Variants in NECTIN2 observed in about 807,000 individuals in gnomAD.
NECTIN2 encodes nectin-2.
NECTIN2 carries 23 observed loss-of-function variants against 56.9 expected under a neutral mutation model. The ratio of observed to expected loss-of-function variants is 0.40; its 90% CI spans 0.29 to 0.57. NECTIN2 has a LOEUF of 0.57. Ranked by LOEUF, NECTIN2 falls within the 20% of genes least tolerant of loss-of-function variation. The probability of loss-of-function intolerance (pLI) is 0.38; values close to 1 mark genes in which losing one functional copy is unlikely to be tolerated. For synonymous variants in NECTIN2, 302 were observed against 313.8 expected (o/e 0.96, Z 0.40); for missense variants, 587 against 718.3 (o/e 0.82, Z 2.09).
intron 1 of NECTIN2, among the ~76,000 whole-genome samples, chr19:44,859,176 C>T (rs558239027): frequency 1.4e-4 from 21 of 152,110 alleles, no homozygotes; most frequent in Non-Finnish European, 2.8e-4. Context: ...TGTTGGCCCT[C>T]GAAATGAGGC....
intron 1 of NECTIN2, among the ~76,000 whole-genome samples, chr19:44,850,062 C>T (rs1968882590): frequency 6.6e-6 from 1 of 152,172 alleles, no homozygotes; most frequent in Non-Finnish European, 1.5e-5. Context: ...AGGCCAGGCA[C>T]ATTGGCTCAT....
intron 8 of NECTIN2, among the ~76,000 whole-genome samples, chr19:44,886,691 C>T (rs1347012596): frequency 1.3e-5 from 2 of 152,046 alleles, no homozygotes; most frequent in South Asian, 2.1e-4. Context: ...CACTGCACTC[C>T]AGCCTGGGCA....
rs1969065923 is a variant in NECTIN2 at position 44,864,019 on chromosome 19, C to CCCG, written c.89-1250_89-1249insGCC. ...GATTTATTTTCAGAGGATTCCCCCCCCCCAAAAAAAAATCTTATGAAAATT... is the reference window on the plus strand; with the variant it reads ...GATTTATTTTCAGAGGATTCCCCCCCCCGCCCAAAAAAAAATCTTATGAAAATT... On this transcript the variant is annotated intron_variant, in intron 1 of 8. Coordinates refer to ENST00000252483, the MANE Select transcript of NECTIN2 (RefSeq NM_001042724.2). Among the ~76,000 whole-genome samples, 4 of 151,516 alleles carry CCCG rather than the reference C, an allele frequency of 2.6e-5. No individual in the cohort carries two copies. The East Asian group carries it at 7.8e-4, about 30-fold the overall frequency.
At chr19:44,882,690 C>CAAA (rs35741405) in intron 6 of NECTIN2, among the ~76,000 whole-genome samples, 458 of 34,666 alleles carry the variant, frequency 0.013, no homozygotes, top group East Asian at 0.02. Context: ...CCCCCATCTA[C>CAAA]AAAAAAAAAA....
intron 1 of NECTIN2, among the ~76,000 whole-genome samples, chr19:44,848,437 G>A (rs1471212044): frequency 6.6e-6 from 1 of 152,148 alleles, no homozygotes; most frequent in Non-Finnish European, 1.5e-5. Context: ...GCCCCGCACC[G>A]GGTGGGCTCC....
At chr19:44,876,954 G>A (rs879490443) in intron 5 of NECTIN2, among the ~76,000 whole-genome samples, 4 of 152,062 alleles carry the variant, frequency 2.6e-5, no homozygotes, top group Non-Finnish European at 5.9e-5. Flanking sequence ...GCCACCTCCA[G>A]AAACAGAGAC....
At chr19:44,873,894 C>T in intron 3 of NECTIN2, 22 bp from the exon 4 acceptor site, 1 of 1,561,360 alleles carries the variant, frequency 6.4e-7, no homozygotes, top group Non-Finnish European at 8.8e-7. Context: ...CCTTGCTGAT[C>T]CAGTCCCCCC....
chr19:44,882,690 CAAAAAAAAAAA>C (rs35741405), intron 6 of NECTIN2, among the ~76,000 whole-genome samples: 26 of 38,328 alleles, frequency 6.8e-4, no homozygotes, highest in African/African-American at 2.5e-3. Flanking sequence ...CCCCCATCTA[CAAAAAAAAAAA>C]AAAAAAAAAA....
intron 5 of NECTIN2, among the ~76,000 whole-genome samples, chr19:44,876,481 G>A (rs1969238800): frequency 6.6e-6 from 1 of 152,114 alleles, no homozygotes; most frequent in South Asian, 2.1e-4. Context: ...ACAAAGACAC[G>A]TGCCTTCAGA....
chr19:44,851,027 C>G (rs1968892992), intron 1 of NECTIN2, among the ~76,000 whole-genome samples: 1 of 152,080 alleles, frequency 6.6e-6, no homozygotes, highest in African/African-American at 2.4e-5. Flanking sequence ...AGCTTCAGGC[C>G]CCGCCTCCCT....
intron 2 of NECTIN2, among the ~76,000 whole-genome samples, chr19:44,870,103 C>T (rs1166946783): frequency 1.3e-5 from 2 of 152,254 alleles, no homozygotes; most frequent in African/African-American, 2.4e-5. Context: ...AGGAAAGTGC[C>T]CTTGACGAAG....
Position 44,874,539 on chromosome 19 carries a change from T to G in NECTIN2, c.1042+61T>G. 6.3e-7 allele frequency: 1 copy of G among 1,594,258 alleles called. No homozygotes were observed. The highest frequency in any genetic ancestry group is 1.1e-5 in the South Asian group (1 of 90,440). ...GGTCCGCTCCCCTGGAGTTCTGCCC[T>G]TCAGGACTTGGGGCTGCACTGGGGG... On this transcript the variant is annotated intron_variant, in intron 5 of 8. Transcript: ENST00000252483. This position sits in a 1 kb window ranked among gnomAD's most constrained non-coding sequence, Gnocchi z 6.3.
At chr19:44,887,498 A>C (rs2122719400) in intron 8 of NECTIN2, among the ~76,000 whole-genome samples, 1 of 150,650 alleles carries the variant, frequency 6.6e-6, no homozygotes, top group African/African-American at 2.5e-5. Context: ...TACAAAAATT[A>C]GCTGGGCGTG....
chr19:44,856,601 T>G (rs1282500866), intron 1 of NECTIN2, among the ~76,000 whole-genome samples: 1 of 152,038 alleles, frequency 6.6e-6, no homozygotes, highest in African/African-American at 2.4e-5. Flanking sequence ...TGAGTGGCCT[T>G]CCCCCCTTGC....
chr19:44,879,567 T>A (rs1969285386), intron 5 of NECTIN2, among the ~76,000 whole-genome samples: 1 of 151,970 alleles, frequency 6.6e-6, no homozygotes. Context: ...CCCAGGGGAC[T>A]TTTCAGTGGC....
chr19:44,885,704 G>A (rs1652857642), intron 6 of NECTIN2, among the ~76,000 whole-genome samples: 1 of 152,188 alleles, frequency 6.6e-6, no homozygotes, highest in Non-Finnish European at 1.5e-5. Flanking sequence ...TGCCCTGAGG[G>A]GGAAGTACAG....
intron 1 of NECTIN2, among the ~76,000 whole-genome samples, chr19:44,853,115 A>G (rs1401419862): frequency 6.6e-6 from 1 of 152,016 alleles, no homozygotes; most frequent in Non-Finnish European, 1.5e-5. Context: ...CAGAAAAAAA[A>G]AAAAGGAATG....
Position 44,874,391 on chromosome 19 carries a change from G to A in NECTIN2, c.955G>A (p.Val319Met). Residue 319 changes from valine (V) to methionine (M), a missense_variant, in exon 5 of 9, where the codon GTG (valine) becomes ATG (methionine). Transcript: ENST00000252483. The surrounding 1 kb of genome is among the most constrained non-coding windows in gnomAD (Gnocchi z 6.3). ...GGGCTCCCAGCTGGTCATCCACGCA[G>A]TGGACAGTCTGTTCAATACCACCTT... ...AQGSQLVIHA[V>M]DSLFNTTFVC... is the part of the protein sequence containing the mutation. 6.2e-7 allele frequency: 1 copy of A among 1,614,148 alleles called. No homozygotes were observed. Among genetic ancestry groups the A allele is most frequent in the Non-Finnish European group, 8.5e-7 (1 of 1,180,022 alleles).
chr19:44,868,473 T>A (rs935772308), intron 2 of NECTIN2, among the ~76,000 whole-genome samples: 5 of 147,984 alleles, frequency 3.4e-5, no homozygotes, highest in Non-Finnish European at 7.5e-5. Flanking sequence ...TTTCTTTTTT[T>A]TTTTTTTTCT....
Sources: gnomAD v4.1 joint callset for allele counts (sites outside exome capture counted in the v4.1 genomes callset) on GRCh38, gnomAD v4.1.1 for gene constraint, Gnocchi (gnomAD v3.1) non-coding constraint, MANE v1.5 for transcripts, NCBI Gene and HGNC (gene_info 2026-07-23, HGNC 2026-07-21) for gene names.